Variants in LDB3 observed in about 807,000 individuals in gnomAD.
LDB3 encodes LIM domain-binding protein 3.
A neutral mutation model predicts 69.0 loss-of-function variants in LDB3; 49 were observed. The observed-to-expected ratio is 0.71, with a 90% confidence interval of 0.56 to 0.90. The LOEUF (loss-of-function observed/expected upper bound fraction) is 0.90, where lower values mean the gene tolerates loss of function less well. Ranked by LOEUF, LDB3 falls within the 40% of genes least tolerant of loss-of-function variation. LDB3 has a pLI of 0.00. For synonymous variants in LDB3, 387 were observed against 396.2 expected (o/e 0.98, Z 0.28); for missense variants, 928 against 974.1 (o/e 0.95, Z 0.63).
At position 86,718,744 on chromosome 10, in the gene LDB3, G is replaced by A; in HGVS notation, c.1875G>A (p.Leu625=). The A allele has an allele frequency of 6.2e-7, 1 of 1,614,146 alleles. No individual in the cohort carries two copies. The highest frequency in any genetic ancestry group is 1.1e-5 in the South Asian group (1 of 91,068). Residue 625 remains leucine, a synonymous_variant, in exon 12 of 14, where the codon TTG becomes TTA. Transcript: ENST00000361373. Reference sequence around the variant, plus strand: ...TCCCCCAGGAAGTAATGCATGCCTTGAGACAGACATGGCACACCACCTGCT... The same window carrying A: ...TCCCCCAGGAAGTAATGCATGCCTTAAGACAGACATGGCACACCACCTGCT... The part of the protein sequence containing the change: ...TKIMGEVMHA[L]RQTWHTTCFV...
intron 9 of LDB3, among the ~76,000 whole-genome samples, chr10:86,712,454 C>A (rs189752379): frequency 6.6e-6 from 1 of 152,148 alleles, no homozygotes; most frequent in Non-Finnish European, 1.5e-5. Flanking sequence ...TGGGGAGTTT[C>A]TAAGCGGGCA....
At chr10:86,717,908 A>C in intron 10 of LDB3, 56 bp from the exon 11 acceptor site, 1 of 1,544,652 alleles carries the variant, frequency 6.5e-7, no homozygotes, top group African/African-American at 1.4e-5. Context: ...TTCTTCAAAT[A>C]TCTAATTCCA....
At chr10:86,669,073 CAG>C in intron 2 of LDB3, among the ~76,000 whole-genome samples, 1 of 151,764 alleles carries the variant, frequency 6.6e-6, no homozygotes, top group Middle Eastern at 3.4e-3. Context: ...GGTAGCTGGA[CAG>C]AGAGTACAGC....
At chr10:86,697,549 C>CTTTTTT (rs71019409) in intron 7 of LDB3, among the ~76,000 whole-genome samples, 41 of 83,930 alleles carry the variant, frequency 4.9e-4, no homozygotes, top group Non-Finnish European at 5.7e-4. Context: ...TTCTTTCTTT[C>CTTTTTT]TTTTTTTTTT....
chr10:86,673,198 A>G (rs1844582903), intron 2 of LDB3, among the ~76,000 whole-genome samples: 1 of 152,232 alleles, frequency 6.6e-6, no homozygotes, highest in African/African-American at 2.4e-5. Flanking sequence ...CCAAGACCCA[A>G]ATGGAACTGT....
chr10:86,708,516 C>A (rs1275393885), intron 8 of LDB3, among the ~76,000 whole-genome samples: 1 of 152,074 alleles, frequency 6.6e-6, no homozygotes, highest in Non-Finnish European at 1.5e-5. Flanking sequence ...ATGATGGAGT[C>A]CAGCTAAGAC....
At chr10:86,727,797 T>TCTC (rs962160316) in intron 13 of LDB3, among the ~76,000 whole-genome samples, 5 of 151,968 alleles carry the variant, frequency 3.3e-5, no homozygotes, top group African/African-American at 9.7e-5. Context: ...CACATGACAT[T>TCTC]CTCCTCTGAG....
intron 3 of LDB3, 147 bp downstream of exon 3, chr10:86,679,665 G>A: frequency 2.1e-6 from 2 of 940,950 alleles, no homozygotes; most frequent in South Asian, 1.4e-5. Flanking sequence ...CCCTGGGCCA[G>A]AGGAATGAAC....
In LDB3 at chr10:86,699,426, A is replaced by T; in HGVS notation, c.896+6855A>T. 6.2e-7 allele frequency: 1 copy of T among 1,611,366 alleles called. No homozygotes were observed. Among genetic ancestry groups the T allele is most frequent in the African/African-American group, 1.3e-5 (1 of 74,786 alleles). ...AACAGGCTGGACTCCCTCCATCCTT[A>T]CCCCCACACAGATCTGGCATGTGAG... On this transcript the variant is annotated intron_variant, in intron 7 of 13. Coordinates refer to ENST00000361373, the MANE Select transcript of LDB3 (RefSeq NM_007078.3). The surrounding 1 kb of genome is among the most constrained non-coding windows in gnomAD (Gnocchi z 4.9).
chr10:86,690,772 G>A (rs957907703), intron 5 of LDB3, among the ~76,000 whole-genome samples: 1 of 152,256 alleles, frequency 6.6e-6, no homozygotes, highest in Non-Finnish European at 1.5e-5. Flanking sequence ...CTCCCACTGG[G>A]CAGAAGTAGC....
intron 7 of LDB3, among the ~76,000 whole-genome samples, chr10:86,702,009 T>C (rs1303403262): frequency 1.3e-5 from 2 of 151,970 alleles, no homozygotes; most frequent in African/African-American, 4.8e-5. Context: ...GGCCCTGGAG[T>C]TGCATGGAGC....
chr10:86,683,109 G>T (rs188644394), intron 5 of LDB3, among the ~76,000 whole-genome samples: 3 of 152,290 alleles, frequency 2.0e-5, no homozygotes, highest in Admixed American at 1.3e-4. Flanking sequence ...TCCTTGTCCC[G>T]CATTTGTTGG....
upstream of LDB3, chr10:86,666,805 A>T (rs753929138): frequency 1.1e-5 from 5 of 470,862 alleles, no homozygotes; most frequent in Non-Finnish European, 2.2e-5. Context: ...GGCGAGCTTC[A>T]TCAGGCAGGA....
At chr10:86,679,326 A>G in intron 2 of LDB3, 41 bp from the exon 3 acceptor site, 1 of 1,613,672 alleles carries the variant, frequency 6.2e-7, no homozygotes, top group Non-Finnish European at 8.5e-7. Context: ...CCTCAGGACC[A>G]CCTTCCTTAT....
chr10:86,670,505 C>A (rs369567760), intron 2 of LDB3, among the ~76,000 whole-genome samples: 1 of 152,158 alleles, frequency 6.6e-6, no homozygotes. Flanking sequence ...CCTGCCCTAT[C>A]CCTATGGGTG....
In LDB3 at chr10:86,706,743, C is replaced by A. The variant is rs368901230; in HGVS notation, c.1085+24C>A. 24 of 1,596,360 alleles carry A rather than the reference C, an allele frequency of 1.5e-5. No individual in the cohort carries two copies. In the African/African-American group the frequency reaches 3.0e-4, roughly 20 times the overall value. On this transcript the variant is annotated intron_variant, in intron 8 of 13. Transcript: ENST00000361373. ...AGGTAACTGGGCCACAGGTGCTGGG[C>A]CTGACCCTGGGGAAGGGAGGCAGGA...
chr10:86,680,260 C>T (rs538688599), intron 4 of LDB3, 103 bp downstream of exon 4: 58 of 1,052,692 alleles, frequency 5.5e-5, no homozygotes, highest in Admixed American at 3.1e-4. Context: ...GGGATGAGGC[C>T]GTGGGATCAG....
Position 86,681,768 on chromosome 10 carries a change from C to T in LDB3, c.654C>T (p.Leu218=). The part of the protein sequence containing the change: ...REMAQMYQMS[L]RGKASGVGLP... ...TGGCTCAGATGTACCAGATGAGCCT[C>T]CGAGGGAAGGCCTCGGGTGTCGGAC... Residue 218 remains leucine (L), a synonymous_variant, in exon 5 of 14, where the codon CTC becomes CTT. Transcript: ENST00000361373. The T allele has an allele frequency of 6.2e-7, 1 of 1,600,260 alleles. No individual in the cohort carries two copies. The highest frequency in any genetic ancestry group is 8.5e-7 in the Non-Finnish European group (1 of 1,172,406).
chr10:86,706,782 GGGTCT>G, intron 8 of LDB3, 63 bp downstream of exon 8: 1 of 1,523,934 alleles, frequency 6.6e-7, no homozygotes, highest in Non-Finnish European at 8.9e-7. Flanking sequence ...GCCCCACTCT[GGGTCT>G]ACCTGTGGCC....
Sources: allele counts gnomAD v4.1 joint callset (sites outside exome capture counted in the v4.1 genomes callset), GRCh38; gene constraint gnomAD v4.1.1; non-coding constraint Gnocchi (gnomAD v3.1); transcripts MANE v1.5; gene names NCBI Gene and HGNC (gene_info 2026-07-23, HGNC 2026-07-21).